Variants in WNT9A observed in about 807,000 individuals in gnomAD.
WNT9A encodes Wnt family member 9A.
WNT9A carries 8 observed loss-of-function variants against 31.4 expected under a neutral mutation model. The ratio of observed to expected loss-of-function variants is 0.26; its 90% CI spans 0.15 to 0.46. The LOEUF is 0.46. Ranked by LOEUF, WNT9A falls within the 20% of genes least tolerant of loss-of-function variation. The pLI, the probability that WNT9A is intolerant of heterozygous loss-of-function variation, is 0.99. For missense variants in WNT9A, 457 were observed against 522.9 expected (o/e 0.87, Z 1.23); for synonymous variants, 236 against 220.1 (o/e 1.07, Z -0.64).
chr1:227,924,282 C>T lies in WNT9A; in HGVS notation c.471G>A (p.Leu157=), dbSNP rs757676409. The T allele has an allele frequency of 3.7e-6, 6 of 1,613,862 alleles. No individual in the cohort carries two copies. In the South Asian group the frequency reaches 5.5e-5, roughly 15 times the overall value. ...CCCACTGCCAGGCCTCACGGTTCTC[C>T]AGGTCGGGTGCCTCATCGCAGGTAC... ...ERCTCDEAPD[L]ENREAWQWGG... The change falls in exon 3 of 4, where the codon CTG becomes CTA. Residue 157 remains leucine (L), a synonymous_variant. Transcript: ENST00000272164.
At chr1:227,938,262 C>A (rs765499127) in intron 1 of WNT9A, among the ~76,000 whole-genome samples, 1 of 150,942 alleles carries the variant, frequency 6.6e-6, no homozygotes, top group Non-Finnish European at 1.5e-5. Context: ...TACACACACA[C>A]CCCCATACAA....
At chr1:227,924,080 A>ACCCCCCCCC in intron 3 of WNT9A, 58 bp downstream of exon 3, 4 of 344,436 alleles carry the variant, frequency 1.2e-5, no homozygotes, top group Non-Finnish European at 1.2e-5. Flanking sequence ...CCCACCCCCA[A>ACCCCCCCCC]CCCCCTGACG....
chr1:227,933,465 A>C (rs2102724431), intron 1 of WNT9A, among the ~76,000 whole-genome samples: 1 of 152,320 alleles, frequency 6.6e-6, no homozygotes, highest in East Asian at 1.9e-4. Context: ...TTGTATGTTT[A>C]CTGGAGTAGC....
chr1:227,930,307 C>T (rs969825287), intron 1 of WNT9A, among the ~76,000 whole-genome samples: 1 of 152,200 alleles, frequency 6.6e-6, no homozygotes, highest in Non-Finnish European at 1.5e-5. Flanking sequence ...TCAGCAGGGG[C>T]TGCATGTGCA....
At chr1:227,923,585 CTG>C (rs1177618363) in intron 3 of WNT9A, among the ~76,000 whole-genome samples, 1 of 152,190 alleles carries the variant, frequency 6.6e-6, no homozygotes, top group Non-Finnish European at 1.5e-5. Flanking sequence ...GGTTGGGATT[CTG>C]TCTCTCAGAA....
chr1:227,936,235 C>T (rs544461720), intron 1 of WNT9A, among the ~76,000 whole-genome samples: 91 of 152,114 alleles, frequency 6.0e-4, no homozygotes, highest in African/African-American at 2.1e-3. Context: ...GTTGCTCAGG[C>T]TGGAGTGCAG....
intron 1 of WNT9A, among the ~76,000 whole-genome samples, chr1:227,947,382 A>G (rs1242625794): frequency 6.6e-6 from 1 of 152,162 alleles, no homozygotes; most frequent in Non-Finnish European, 1.5e-5. Context: ...TGTTAAATTA[A>G]CTTCTCGAGA....
chr1:227,945,056 A>C (rs1367476246), intron 1 of WNT9A, among the ~76,000 whole-genome samples: 1 of 152,192 alleles, frequency 6.6e-6, no homozygotes, highest in African/African-American at 2.4e-5. Flanking sequence ...TGGGCCCAGG[A>C]GAGAAGCAGC....
chr1:227,932,949 G>A (rs1288470949), intron 1 of WNT9A, among the ~76,000 whole-genome samples: 4 of 152,218 alleles, frequency 2.6e-5, no homozygotes, highest in Non-Finnish European at 4.4e-5. Flanking sequence ...TAACAGTCAT[G>A]GAATTGTTGC....
chr1:227,947,242 G>A (rs1466156595), intron 1 of WNT9A, among the ~76,000 whole-genome samples: 1 of 152,168 alleles, frequency 6.6e-6, no homozygotes, highest in Non-Finnish European at 1.5e-5. Context: ...CGGGGCCCGG[G>A]CCACAGAGTC....
rs759231938 is a variant in WNT9A, at chr1:227,921,531, G to C, written c.1085C>G (p.Thr362Ser). 1 of 1,610,138 alleles carries C rather than the reference G, an allele frequency of 6.2e-7. No homozygotes were observed. Among genetic ancestry groups the C allele is most frequent in the South Asian group, 1.1e-5 (1 of 90,810 alleles). ...GGGCCTGGGAACTCAGCCCTTGCAG[G>C]TGTAGACCTCCTCACGCTGCGTGCA... ...RQCTQREEVY[T>S]CKG Residue 362 changes from threonine (T) to serine (S), a missense_variant, in exon 4 of 4, where the codon ACC becomes AGC. By Grantham distance (58) the Thr-to-Ser change is moderately conservative. Coordinates refer to ENST00000272164, the MANE Select transcript of WNT9A (RefSeq NM_003395.4).
At chr1:227,945,746 G>A (rs868848029) in intron 1 of WNT9A, among the ~76,000 whole-genome samples, 1 of 152,042 alleles carries the variant, frequency 6.6e-6, no homozygotes, top group South Asian at 2.1e-4. Context: ...GCCTTTGCTG[G>A]GCCAGGAGCC....
intron 1 of WNT9A, among the ~76,000 whole-genome samples, chr1:227,946,533 C>T (rs114275618): frequency 6.6e-6 from 1 of 152,230 alleles, no homozygotes; most frequent in African/African-American, 2.4e-5. Context: ...AGGGCCGTAC[C>T]CACAGTTGGA....
chr1:227,935,076 C>T (rs755436704), intron 1 of WNT9A, among the ~76,000 whole-genome samples: 3 of 151,282 alleles, frequency 2.0e-5, no homozygotes, highest in Non-Finnish European at 2.9e-5. Flanking sequence ...CCATACAGAG[C>T]CTGAGTCACA....
At chr1:227,930,323 G>A (rs145611099) in intron 1 of WNT9A, among the ~76,000 whole-genome samples, 4 of 152,306 alleles carry the variant, frequency 2.6e-5, no homozygotes, top group African/African-American at 7.2e-5. Flanking sequence ...GTGCATGCGC[G>A]TTTGTGGCTG....
chr1:227,932,847 T>G (rs1323098281), intron 1 of WNT9A, among the ~76,000 whole-genome samples: 1 of 152,224 alleles, frequency 6.6e-6, no homozygotes, highest in African/African-American at 2.4e-5. Context: ...GCATAAAATA[T>G]TTAGTAAACC....
Position 227,925,174 on chromosome 1 carries a change from C to T in WNT9A, c.352+89G>A. 7.0e-7 allele frequency: 1 copy of T among 1,421,402 alleles called. No homozygotes were observed. Among genetic ancestry groups the T allele is most frequent in the Non-Finnish European group, 9.2e-7 (1 of 1,089,246 alleles). 88.0% of individuals were successfully genotyped at this position (1,421,402 alleles called of 1,614,324 possible). Reference sequence around the variant, plus strand: ...GCTGGGCCCGGCGTCCCCAGGAGCGCAGCCTAAGAGGGGCCTCTTGGGATA... The same window carrying T: ...GCTGGGCCCGGCGTCCCCAGGAGCGTAGCCTAAGAGGGGCCTCTTGGGATA... On this transcript the variant is annotated intron_variant, in intron 2 of 3. Coordinates refer to ENST00000272164, the MANE Select transcript of WNT9A (RefSeq NM_003395.4). The surrounding 1 kb of genome is among the most constrained non-coding windows in gnomAD (Gnocchi z 6.0).
intron 1 of WNT9A, among the ~76,000 whole-genome samples, chr1:227,929,784 T>C (rs1309721609): frequency 6.6e-6 from 1 of 152,098 alleles, no homozygotes; most frequent in East Asian, 1.9e-4. Flanking sequence ...CAGTGAGCTG[T>C]GGTTAAAATA....
chr1:227,935,332 G>A (rs1666576175), intron 1 of WNT9A, among the ~76,000 whole-genome samples: 1 of 151,960 alleles, frequency 6.6e-6, no homozygotes, highest in South Asian at 2.1e-4. Context: ...TCACTATAGT[G>A]GGGACTGTGA....
Sources: allele counts gnomAD v4.1 joint callset (sites outside exome capture counted in the v4.1 genomes callset), GRCh38; gene constraint gnomAD v4.1.1; non-coding constraint Gnocchi (gnomAD v3.1); transcripts MANE v1.5; gene names NCBI Gene and HGNC (gene_info 2026-07-23, HGNC 2026-07-21).